HS6ST3: variants seen among roughly 807,000 people sequenced by gnomAD.
The protein encoded by HS6ST3 is heparan sulfate 6-O-sulfotransferase 3, also known as heparan-sulfate 6-O-sulfotransferase 3.
HS6ST3 carries 12 observed loss-of-function variants against 36.7 expected under a neutral mutation model. The ratio of observed to expected loss-of-function variants is 0.33; its 90% confidence interval spans 0.21 to 0.53. The LOEUF is 0.53. HS6ST3 is among the 20% of genes least tolerant of loss of function. The probability of loss-of-function intolerance (pLI) is 0.95; values close to 1 mark genes in which losing one functional copy is unlikely to be tolerated. For missense variants in HS6ST3, 584 were observed against 640.9 expected, an observed-to-expected ratio of 0.91 and a Z score of 0.96; for synonymous variants, 240 against 257.5, an observed-to-expected ratio of 0.93 and a Z score of 0.65.
intron 1 of HS6ST3, among the ~76,000 whole-genome samples, chr13:96,209,235 A>G (rs542588357): frequency 8.5e-5 from 13 of 152,362 alleles, no homozygotes; most frequent in South Asian, 2.1e-4. Context: ...TGAGCAACTT[A>G]CAGAAGTTGT....
At chr13:96,327,006 G>A (rs1349710295) in intron 1 of HS6ST3, among the ~76,000 whole-genome samples, 119 of 145,114 alleles carry the variant, frequency 8.2e-4, no homozygotes, top group African/African-American at 2.5e-3. Flanking sequence ...CATGTCCTTT[G>A]CTCACTTTTT....
Position 96,452,040 on chromosome 13 carries a change from A to G in HS6ST3, c.707+360471A>G, listed in dbSNP as rs184316322. On this transcript the variant is annotated intron_variant, in intron 1 of 1. Transcript: ENST00000376705. The stretch of plus-strand genomic sequence containing the variant: ...TTTTACCAAGGCTTTAGCTGGCACA[A>G]GAAAACTCTGAATCCAGCCAGGAAT... Among the ~76,000 whole-genome samples, 20 of 152,338 alleles carry G rather than the reference A, an allele frequency of 1.3e-4. No homozygotes were observed. In the East Asian group the frequency reaches 3.9e-3, roughly 29 times the overall value.
chr13:96,750,939 G>T (rs1288998326), intron 1 of HS6ST3, among the ~76,000 whole-genome samples: 2 of 152,074 alleles, frequency 1.3e-5, no homozygotes, highest in Non-Finnish European at 2.9e-5. Flanking sequence ...ACACTATAGA[G>T]AATATAGAAT....
chr13:96,334,599 A>T (rs2055090437), intron 1 of HS6ST3, among the ~76,000 whole-genome samples: 1 of 152,224 alleles, frequency 6.6e-6, no homozygotes, highest in Admixed American at 6.5e-5. Flanking sequence ...GGTGGAAGTC[A>T]AGGAGGAGCA....
chr13:96,176,614 A>G (rs971209181), intron 1 of HS6ST3, among the ~76,000 whole-genome samples: 9 of 152,226 alleles, frequency 5.9e-5, no homozygotes, highest in African/African-American at 2.2e-4. Flanking sequence ...AATATGGACA[A>G]TAGTGGAATG....
intron 1 of HS6ST3, among the ~76,000 whole-genome samples, chr13:96,469,260 T>C (rs952116249): frequency 1.3e-5 from 2 of 152,148 alleles, no homozygotes; most frequent in Admixed American, 6.5e-5. Context: ...TACCATGAAA[T>C]TAGTTTTCTC....
chr13:96,601,955 G>T (rs1490171785), intron 1 of HS6ST3, among the ~76,000 whole-genome samples: 1 of 152,162 alleles, frequency 6.6e-6, no homozygotes, highest in Admixed American at 6.5e-5. Context: ...GTGTGAGCAG[G>T]TTCACTGTCT....
intron 1 of HS6ST3, among the ~76,000 whole-genome samples, chr13:96,387,722 C>T (rs980759519): frequency 6.6e-6 from 1 of 152,178 alleles, no homozygotes; most frequent in African/African-American, 2.4e-5. Context: ...ATATCATCTT[C>T]CCCATGCAGA....
At chr13:96,771,176 A>G (rs559039992) in intron 1 of HS6ST3, among the ~76,000 whole-genome samples, 1 of 151,572 alleles carries the variant, frequency 6.6e-6, no homozygotes, top group Admixed American at 6.6e-5. Context: ...CAAGGCCAAA[A>G]AAACCAACAC....
intron 1 of HS6ST3, among the ~76,000 whole-genome samples, chr13:96,785,079 G>A (rs1387824815): frequency 6.6e-6 from 1 of 152,096 alleles, no homozygotes; most frequent in African/African-American, 2.4e-5. Context: ...TGAGGTGGGA[G>A]AATCCCTTGA....
intron 1 of HS6ST3, among the ~76,000 whole-genome samples, chr13:96,443,632 A>G (rs1336991325): frequency 1.3e-5 from 2 of 151,792 alleles, no homozygotes; most frequent in East Asian, 1.9e-4. Flanking sequence ...TGGCATTATT[A>G]TCTATTCACT....
rs750762936 is a variant in HS6ST3, at chr13:96,091,532, GAGA to G, written c.676_678del (p.Lys226del). 7.9e-5 allele frequency: 126 copies of G among 1,589,954 alleles called. No individual in the cohort carries two copies. The highest frequency in any genetic ancestry group is 1.0e-4 in the Non-Finnish European group (119 of 1,172,550). On this transcript the variant is annotated inframe_deletion, in exon 1 of 2. Coordinates refer to ENST00000376705, the MANE Select transcript of HS6ST3 (RefSeq NM_153456.4). Reference sequence around the variant, plus strand: ...CACCAACTGCGTGCCGGCCATCATGGAGAAGAAGGACTGTCCCCGCAACCACAG... The same window carrying G: ...CACCAACTGCGTGCCGGCCATCATGGAGAAGGACTGTCCCCGCAACCACAG...
intron 1 of HS6ST3, among the ~76,000 whole-genome samples, chr13:96,188,721 TTTTG>T (rs1250466192): frequency 3.9e-5 from 6 of 152,302 alleles, no homozygotes; most frequent in African/African-American, 9.6e-5. Flanking sequence ...TTTCTTTGAA[TTTTG>T]TTTGTCATTA....
At chr13:96,583,034 C>T (rs2056347368) in intron 1 of HS6ST3, among the ~76,000 whole-genome samples, 1 of 151,900 alleles carries the variant, frequency 6.6e-6, no homozygotes, top group African/African-American at 2.4e-5. Context: ...TCCAGGTCAT[C>T]ATCCTATTTC....
intron 1 of HS6ST3, among the ~76,000 whole-genome samples, chr13:96,144,085 C>G (rs1196302398): frequency 1.3e-5 from 2 of 152,038 alleles, no homozygotes; most frequent in Non-Finnish European, 2.9e-5. Flanking sequence ...CAAAATCTAC[C>G]CCTGCTGTTG....
chr13:96,642,824 G>T (rs1030242066), intron 1 of HS6ST3, among the ~76,000 whole-genome samples: 1 of 151,712 alleles, frequency 6.6e-6, no homozygotes, highest in Non-Finnish European at 1.5e-5. Flanking sequence ...CTATAACATG[G>T]TTTTCTTAAA....
intron 1 of HS6ST3, among the ~76,000 whole-genome samples, chr13:96,114,971 T>G (rs2139302386): frequency 6.6e-6 from 1 of 152,164 alleles, no homozygotes; most frequent in Non-Finnish European, 1.5e-5. Flanking sequence ...TGTGACTTTT[T>G]GATTACTGGG....
chr13:96,543,700 C>G (rs1402351869), intron 1 of HS6ST3, among the ~76,000 whole-genome samples: 1 of 152,090 alleles, frequency 6.6e-6, no homozygotes, highest in Admixed American at 6.5e-5. Context: ...GTTTCAGGAC[C>G]CATTCCTCTC....
chr13:96,128,790 T>A (rs1196053269), intron 1 of HS6ST3, among the ~76,000 whole-genome samples: 1 of 152,088 alleles, frequency 6.6e-6, no homozygotes, highest in Non-Finnish European at 1.5e-5. Flanking sequence ...AAAATGTGAA[T>A]GTGCCTGGGA....
Sources: gnomAD v4.1 joint callset for allele counts (sites outside exome capture counted in the v4.1 genomes callset) on GRCh38, gnomAD v4.1.1 for gene constraint, MANE v1.5 for transcripts, NCBI Gene and HGNC (gene_info 2026-07-23, HGNC 2026-07-21) for gene names.